RAP1GAP2: variants seen among roughly 807,000 people sequenced by gnomAD.
RAP1GAP2 encodes the protein rap1 GTPase-activating protein 2.
A neutral mutation model predicts 95.0 loss-of-function variants in RAP1GAP2; 27 were observed. The observed-to-expected ratio is 0.28, with a 90% CI of 0.21 to 0.39. The LOEUF is 0.39. RAP1GAP2 is among the 10% of genes least tolerant of loss of function. The probability of loss-of-function intolerance (pLI) is 1.00; values close to 1 mark genes in which losing one functional copy is unlikely to be tolerated. For synonymous variants in RAP1GAP2, 373 were observed against 380.9 expected, an observed-to-expected ratio of 0.98 and a Z score of 0.24; for missense variants, 771 against 970.0, an observed-to-expected ratio of 0.79 and a Z score of 2.72.
At chr17:2,980,473 G>T in intron 9 of RAP1GAP2, 108 bp downstream of exon 9, 1 of 1,121,776 alleles carries the variant, frequency 8.9e-7, no homozygotes, top group Non-Finnish European at 1.3e-6. Flanking sequence ...TTAGAGAAGG[G>T]GAGGCCACTT....
chr17:2,859,730 A>G (rs2072295832), intron 2 of RAP1GAP2, among the ~76,000 whole-genome samples: 1 of 152,150 alleles, frequency 6.6e-6, no homozygotes, highest in African/African-American at 2.4e-5. Context: ...GCCGCTGTGC[A>G]TGGCCCACCC....
At chr17:2,812,462 G>A (rs2069810307) in intron 2 of RAP1GAP2, among the ~76,000 whole-genome samples, 2 of 152,052 alleles carry the variant, frequency 1.3e-5, no homozygotes, top group South Asian at 2.1e-4. Context: ...CCTCAAGCTG[G>A]CTCCAGCTCT....
intron 3 of RAP1GAP2, among the ~76,000 whole-genome samples, chr17:2,909,171 C>A (rs1047514349): frequency 6.6e-6 from 1 of 151,966 alleles, no homozygotes; most frequent in Non-Finnish European, 1.5e-5. Flanking sequence ...GTTCCTGAGG[C>A]GGCACCTCGA....
intron 2 of RAP1GAP2, among the ~76,000 whole-genome samples, chr17:2,808,863 G>A (rs1357362459): frequency 2.0e-5 from 3 of 152,166 alleles, no homozygotes; most frequent in South Asian, 2.1e-4. Flanking sequence ...GCAGGTGGAC[G>A]TGAGCGCTGA....
intron 2 of RAP1GAP2, among the ~76,000 whole-genome samples, chr17:2,897,921 CTTT>C (rs139128312): frequency 3.4e-3 from 454 of 135,128 alleles, no homozygotes; most frequent in Admixed American, 4.7e-3. Context: ...TCTGCGGAGT[CTTT>C]TTTTTTTTTT....
intron 4 of RAP1GAP2, chr17:2,962,352 CATTTT>C: frequency 2.8e-6 from 1 of 362,594 alleles, no homozygotes. Context: ...TCATCATTCC[CATTTT>C]ACAGATGAGA....
chr17:2,945,871 C>A (rs1009655252), intron 3 of RAP1GAP2, among the ~76,000 whole-genome samples: 1 of 151,910 alleles, frequency 6.6e-6, no homozygotes, highest in Admixed American at 6.6e-5. Context: ...CTCACTGCAA[C>A]CTCTTTCCCC....
At chr17:2,882,613 T>TG (rs1343581034) in intron 2 of RAP1GAP2, among the ~76,000 whole-genome samples, 2 of 151,320 alleles carry the variant, frequency 1.3e-5, no homozygotes, top group African/African-American at 4.9e-5. Context: ...TTAGTAGAGA[T>TG]GGGGTTTCGC....
At chr17:2,832,361 A>T (rs553747355) in intron 2 of RAP1GAP2, among the ~76,000 whole-genome samples, 1 of 151,116 alleles carries the variant, frequency 6.6e-6, no homozygotes, top group Non-Finnish European at 1.5e-5. Flanking sequence ...GATCGAGATC[A>T]TCCTGGCTAA....
Position 3,013,627 on chromosome 17 carries a change from C to CTTTTTT in RAP1GAP2, c.1495-4430_1495-4429insTTTTTT, listed in dbSNP as rs71377568. ...AGCCTCTGAGTTTTTCTTTTCTTTT[C>CTTTTTT]TTTTCTTTTTTTTTTTTTTTTTTTT... On this transcript the variant is annotated intron_variant, in intron 17 of 24. Coordinates refer to ENST00000254695, the MANE Select transcript of RAP1GAP2 (RefSeq NM_015085.5). 8.8e-3 allele frequency among the ~76,000 whole-genome samples: 692 copies of CTTTTTT among 78,708 alleles called. 19 individuals are homozygous for CTTTTTT. The highest frequency in any genetic ancestry group is 0.012 in the East Asian group (34 of 2,906). The allele number at this position is 78,708 out of a possible 152,430, so 51.6% of individuals were successfully genotyped here.
intron 3 of RAP1GAP2, among the ~76,000 whole-genome samples, chr17:2,947,874 A>T (rs1369174079): frequency 6.6e-6 from 1 of 151,878 alleles, no homozygotes; most frequent in Non-Finnish European, 1.5e-5. Context: ...CTTCATCCGG[A>T]TGAGAAACTC....
intron 20 of RAP1GAP2, 77 bp from the exon 21 acceptor site, chr17:3,026,273 G>C: frequency 7.3e-7 from 1 of 1,377,848 alleles, no homozygotes; most frequent in Non-Finnish European, 1.0e-6. Context: ...GGAGCCGCCA[G>C]AGGTCCCGGG....
intron 2 of RAP1GAP2, among the ~76,000 whole-genome samples, chr17:2,804,597 C>T (rs1314164077): frequency 1.3e-5 from 2 of 152,230 alleles, no homozygotes; most frequent in Admixed American, 6.5e-5. Flanking sequence ...TCCGCCTCCA[C>T]GACACCGTGG....
chr17:2,773,585 G>T (rs1470836449), upstream of RAP1GAP2, among the ~76,000 whole-genome samples: 2 of 152,002 alleles, frequency 1.3e-5, no homozygotes, highest in East Asian at 3.9e-4. Flanking sequence ...CTGATGGCAG[G>T]AACCTGGGTA....
chr17:2,934,377 C>G (rs1037765532), intron 3 of RAP1GAP2, among the ~76,000 whole-genome samples: 4 of 152,208 alleles, frequency 2.6e-5, no homozygotes, highest in Non-Finnish European at 5.9e-5. Context: ...GGTGATCTGC[C>G]TACCTTGGCC....
chr17:2,968,322 A>C (rs2044705690), intron 8 of RAP1GAP2, among the ~76,000 whole-genome samples: 1 of 152,330 alleles, frequency 6.6e-6, no homozygotes, highest in Non-Finnish European at 1.5e-5. Flanking sequence ...CCAGTTATTA[A>C]TATGGGGAAC....
intron 17 of RAP1GAP2, among the ~76,000 whole-genome samples, chr17:3,015,795 T>G (rs2046744256): frequency 6.6e-6 from 1 of 150,796 alleles, no homozygotes; most frequent in Non-Finnish European, 1.5e-5. Flanking sequence ...TACTCCAGCC[T>G]GGGTGACAGA....
intron 18 of RAP1GAP2, 48 bp downstream of exon 18, chr17:3,018,246 C>G: frequency 6.6e-7 from 1 of 1,518,108 alleles, no homozygotes; most frequent in East Asian, 2.6e-5. Context: ...CAGGGAGGCC[C>G]CCCCCAGACC....
intron 3 of RAP1GAP2, among the ~76,000 whole-genome samples, chr17:2,911,830 G>A (rs904242775): frequency 1.3e-5 from 2 of 152,144 alleles, no homozygotes; most frequent in African/African-American, 4.8e-5. Context: ...TGATTCTCTC[G>A]ACGCTCATGG....
Sources: gnomAD v4.1 joint callset for allele counts (sites outside exome capture counted in the v4.1 genomes callset) on GRCh38, gnomAD v4.1.1 for gene constraint, MANE v1.5 for transcripts, NCBI Gene and HGNC (gene_info 2026-07-23, HGNC 2026-07-21) for gene names.